Variants in SRBD1 observed in about 807,000 individuals in gnomAD.
SRBD1 encodes S1 RNA binding domain 1.
In SRBD1, 88 loss-of-function variants were observed where a neutral mutation model predicts 115.3. The observed-to-expected ratio is 0.76, with a 90% CI of 0.64 to 0.91. The LOEUF (loss-of-function observed/expected upper bound fraction) is 0.91, where lower values mean the gene tolerates loss of function less well. Ranked by LOEUF, SRBD1 falls within the 40% of genes least tolerant of loss-of-function variation. SRBD1 has a pLI of 0.00. For synonymous variants in SRBD1, 509 were observed against 407.7 expected (o/e 1.25, Z -2.99); for missense variants, 1,385 against 1,177.4 (o/e 1.18, Z -2.58).
chr2:45,417,185 C>T (rs796850142), intron 18 of SRBD1, among the ~76,000 whole-genome samples: 7 of 152,250 alleles, frequency 4.6e-5, no homozygotes, highest in African/African-American at 1.7e-4. Context: ...TGCAAGATTT[C>T]CCCATGTTTT....
chr2:45,581,243 C>T (rs752224918), intron 6 of SRBD1, among the ~76,000 whole-genome samples: 2 of 152,052 alleles, frequency 1.3e-5, no homozygotes, highest in Non-Finnish European at 2.9e-5. Context: ...CTATTTTTTT[C>T]CTACCTCCTT....
At chr2:45,424,996 T>C (rs940898130) in intron 16 of SRBD1, among the ~76,000 whole-genome samples, 1 of 152,218 alleles carries the variant, frequency 6.6e-6, no homozygotes, top group East Asian at 1.9e-4. Context: ...GCAGGTAACA[T>C]ACATTGAGAG....
At chr2:45,608,364 T>G (rs1403717050) in intron 1 of SRBD1, among the ~76,000 whole-genome samples, 1 of 152,108 alleles carries the variant, frequency 6.6e-6, no homozygotes, top group Non-Finnish European at 1.5e-5. Flanking sequence ...GCAGATCAGA[T>G]TTAGAAAGAA....
chr2:45,463,590 G>A (rs1183232250), intron 16 of SRBD1, among the ~76,000 whole-genome samples: 4 of 152,070 alleles, frequency 2.6e-5, no homozygotes, highest in African/African-American at 9.6e-5. Flanking sequence ...TTATATTTGG[G>A]TTCTCAACAT....
chr2:45,452,476 T>G (rs934287417), intron 16 of SRBD1, among the ~76,000 whole-genome samples: 1 of 151,996 alleles, frequency 6.6e-6, no homozygotes, highest in East Asian at 1.9e-4. Context: ...TCAGTACACG[T>G]CTTTAACCTT....
intron 14 of SRBD1, among the ~76,000 whole-genome samples, chr2:45,526,482 G>T (rs1054481290): frequency 6.6e-6 from 1 of 151,904 alleles, no homozygotes; most frequent in African/African-American, 2.4e-5. Context: ...GGAGAGAAGG[G>T]AGTGAGAGCT....
chr2:45,484,790 A>C (rs1484024353), intron 15 of SRBD1, among the ~76,000 whole-genome samples: 1 of 152,158 alleles, frequency 6.6e-6, no homozygotes, highest in Non-Finnish European at 1.5e-5. Context: ...TCAGTTTTCA[A>C]TCTCTACAGA....
chr2:45,412,238 A>T (rs1261262703), intron 19 of SRBD1, among the ~76,000 whole-genome samples: 1 of 152,010 alleles, frequency 6.6e-6, no homozygotes, highest in Admixed American at 6.6e-5. Context: ...CACTGTAAAA[A>T]TTTTTTTTCC....
intron 9 of SRBD1, among the ~76,000 whole-genome samples, chr2:45,568,189 G>A (rs1387374553): frequency 6.6e-6 from 1 of 152,110 alleles, no homozygotes; most frequent in African/African-American, 2.4e-5. Flanking sequence ...AATTCATGTG[G>A]TAGAAAAGAT....
chr2:45,572,968 A>G (rs1035230717), intron 9 of SRBD1, among the ~76,000 whole-genome samples: 27 of 152,150 alleles, frequency 1.8e-4, no homozygotes, highest in African/African-American at 6.3e-4. Flanking sequence ...AAGTCAAGAT[A>G]CCTAAAATGT....
chr2:45,460,589 T>C (rs2103771197), intron 16 of SRBD1, among the ~76,000 whole-genome samples: 1 of 152,314 alleles, frequency 6.6e-6, no homozygotes, highest in South Asian at 2.1e-4. Context: ...CTGCATTGGT[T>C]TGTGGTGGGC....
chr2:45,495,150 CT>C (rs1423415864), intron 14 of SRBD1, among the ~76,000 whole-genome samples: 1 of 152,208 alleles, frequency 6.6e-6, no homozygotes. Flanking sequence ...GGCTACTTCT[CT>C]TTTGGTGCCC....
intron 14 of SRBD1, among the ~76,000 whole-genome samples, chr2:45,496,245 G>T (rs934647768): frequency 2.0e-5 from 3 of 152,122 alleles, no homozygotes; most frequent in African/African-American, 7.2e-5. Flanking sequence ...GAGAAGTTCA[G>T]ATTGCTATGG....
rs566170256 is a variant in SRBD1 at position 45,482,362 on chromosome 2, C to T, written c.1967-5287G>A. 4.6e-5 allele frequency among the ~76,000 whole-genome samples: 7 copies of T among 152,034 alleles called. No individual in the cohort carries two copies. The South Asian group carries it at 1.0e-3, about 23-fold the overall frequency. ...CAAGTCAAATGAAAAAATAACAGAA[C>T]TAATAAGGTTCCAATTAGTTGGGTA... is the stretch of plus-strand genomic sequence containing the variant. On this transcript the variant is annotated intron_variant, in intron 15 of 20. Transcript: ENST00000263736.
chr2:45,445,508 C>G (rs1025470813), intron 16 of SRBD1, among the ~76,000 whole-genome samples: 7 of 126,956 alleles, frequency 5.5e-5, no homozygotes, highest in African/African-American at 2.1e-4. Context: ...GCAAGTTTCT[C>G]TCTATAGTGT....
At chr2:45,423,675 T>C (rs1653623424) in intron 16 of SRBD1, among the ~76,000 whole-genome samples, 1 of 152,060 alleles carries the variant, frequency 6.6e-6, no homozygotes, top group Non-Finnish European at 1.5e-5. Context: ...GAGGAGCCAA[T>C]ACTTCTTACC....
At chr2:45,589,243 T>C (rs1673639970) in intron 4 of SRBD1, among the ~76,000 whole-genome samples, 1 of 152,194 alleles carries the variant, frequency 6.6e-6, no homozygotes, top group Non-Finnish European at 1.5e-5. Flanking sequence ...TCAACCACAC[T>C]TCCCTCTTGA....
At chr2:45,422,396 G>A (rs1668032058) in intron 16 of SRBD1, among the ~76,000 whole-genome samples, 1 of 152,138 alleles carries the variant, frequency 6.6e-6, no homozygotes, top group African/African-American at 2.4e-5. Context: ...ACAGACAATG[G>A]TGACTGGTTA....
intron 1 of SRBD1, among the ~76,000 whole-genome samples, chr2:45,607,944 C>A (rs1217985879): frequency 1.3e-5 from 2 of 152,136 alleles, no homozygotes; most frequent in East Asian, 1.9e-4. Flanking sequence ...AGAATCTAAC[C>A]AGTCCAAGAG....
Sources: allele counts gnomAD v4.1 joint callset (sites outside exome capture counted in the v4.1 genomes callset), GRCh38; gene constraint gnomAD v4.1.1; transcripts MANE v1.5; gene names NCBI Gene and HGNC (gene_info 2026-07-23, HGNC 2026-07-21).